Variants in NPEPPS observed in about 807,000 individuals in gnomAD.
NPEPPS encodes the protein puromycin-sensitive aminopeptidase.
In NPEPPS, 14 loss-of-function variants were observed where a neutral mutation model predicts 115.5. That is an observed-to-expected ratio of 0.12 (90% CI 0.08 to 0.19). The LOEUF is 0.19. NPEPPS is among the 10% of genes least tolerant of loss of function. NPEPPS has a pLI of 1.00. For missense variants in NPEPPS, 523 were observed against 1,110.8 expected, an observed-to-expected ratio of 0.47 and a Z score of 7.52; for synonymous variants, 285 against 390.6, an observed-to-expected ratio of 0.73 and a Z score of 3.19.
chr17:47,607,847 A>T lies in NPEPPS; in HGVS notation c.2095+2295A>T, dbSNP rs534440820. On this transcript the variant is annotated intron_variant, in intron 17 of 22. Coordinates refer to ENST00000322157, the MANE Select transcript of NPEPPS (RefSeq NM_006310.4). The stretch of plus-strand genomic sequence containing the variant: ...GGATAGGGAAGACTGCTGTAGAAAC[A>T]TTTTTTTCTTTTAAAGATACAGAGT... Among the ~76,000 whole-genome samples the T allele has an allele frequency of 6.6e-4, 100 of 152,072 alleles. No homozygotes were observed. In the South Asian group the frequency reaches 0.015, roughly 23 times the overall value.
At chr17:47,620,358 A>T (rs1484547995) in intron 22 of NPEPPS, 1 of 152,218 alleles carries the variant, frequency 6.6e-6, no homozygotes, top group Non-Finnish European at 1.5e-5. Context: ...GGAAGAGAAG[A>T]TGTTGGGAAG....
chr17:47,551,265 G>A (rs1161274632), intron 2 of NPEPPS, among the ~76,000 whole-genome samples: 1 of 151,842 alleles, frequency 6.6e-6, no homozygotes, highest in African/African-American at 2.4e-5. Flanking sequence ...AGTAAATATT[G>A]TGTGAAAAGG....
At chr17:47,594,947 A>G (rs1478841034) in intron 12 of NPEPPS, among the ~76,000 whole-genome samples, 5 of 112,120 alleles carry the variant, frequency 4.5e-5, no homozygotes, top group African/African-American at 1.7e-4. Context: ...TATTTTTTTT[A>G]AAGACAGGGT....
At chr17:47,533,974 A>G (rs1373547409) in intron 1 of NPEPPS, among the ~76,000 whole-genome samples, 1 of 152,262 alleles carries the variant, frequency 6.6e-6, no homozygotes, top group African/African-American at 2.4e-5. Flanking sequence ...TAAAAGAGGA[A>G]TTAACATTGG....
At chr17:47,575,724 C>T (rs535906171) in intron 3 of NPEPPS, among the ~76,000 whole-genome samples, 1 of 151,894 alleles carries the variant, frequency 6.6e-6, no homozygotes, top group South Asian at 2.1e-4. Context: ...CCTGTCTCAG[C>T]CTCCCGAGTA....
intron 1 of NPEPPS, among the ~76,000 whole-genome samples, chr17:47,535,711 ATAT>A (rs1908188170): frequency 6.6e-6 from 1 of 150,796 alleles, no homozygotes; most frequent in African/African-American, 2.4e-5. Flanking sequence ...ACTTTTGTAG[ATAT>A]TTCATATTTT....
chr17:47,538,202 CTTTTTTTTT>C (rs543559258), intron 1 of NPEPPS, among the ~76,000 whole-genome samples: 1 of 58,492 alleles, frequency 1.7e-5, no homozygotes, highest in African/African-American at 5.7e-5. Context: ...CATATCTGTT[CTTTTTTTTT>C]TTTTTTTTTT....
chr17:47,560,092 TC>T (rs1910332103), intron 2 of NPEPPS, among the ~76,000 whole-genome samples: 1 of 152,222 alleles, frequency 6.6e-6, no homozygotes, highest in Non-Finnish European at 1.5e-5. Context: ...CTTATCTTGT[TC>T]TATGATTCTT....
chr17:47,611,209 C>T (rs1316549826), intron 17 of NPEPPS, among the ~76,000 whole-genome samples: 1 of 151,624 alleles, frequency 6.6e-6, no homozygotes, highest in African/African-American at 2.4e-5. Flanking sequence ...CTTGTAATCC[C>T]AACACTGTGG....
At chr17:47,605,259 A>G in intron 16 of NPEPPS, 74 bp from the exon 17 acceptor site, 1 of 1,081,896 alleles carries the variant, frequency 9.2e-7, no homozygotes, top group South Asian at 1.6e-5. Context: ...GCAGTAGATA[A>G]TGCCAAAAAT....
intron 1 of NPEPPS, among the ~76,000 whole-genome samples, chr17:47,544,711 C>G (rs370046279): frequency 8.8e-6 from 1 of 114,232 alleles, no homozygotes; most frequent in Admixed American, 1.0e-4. Flanking sequence ...TTTTTGTATT[C>G]TTTTTTTTTT....
intron 19 of NPEPPS, among the ~76,000 whole-genome samples, chr17:47,617,703 CAG>C (rs1567874307): frequency 6.6e-6 from 1 of 152,020 alleles, no homozygotes; most frequent in African/African-American, 2.4e-5. Context: ...TCTTCTAAAA[CAG>C]AACATTAGCC....
At position 47,532,990 on chromosome 17, in the gene NPEPPS, G is replaced by A. The variant is rs1907934662; in HGVS notation, c.255+1435G>A. Among the ~76,000 whole-genome samples the A allele has an allele frequency of 2.0e-5, 3 of 152,160 alleles. No homozygotes were observed. The South Asian group carries it at 6.2e-4, about 31-fold the overall frequency. On this transcript the variant is annotated intron_variant, in intron 1 of 22. Transcript: ENST00000322157. ...TGCAGTCTGGGGTCGGGGGAAATCA[G>A]TAGGCTCCCACCTTAAAGAACATGG...
chr17:47,598,196 C>T (rs966359310), intron 13 of NPEPPS, among the ~76,000 whole-genome samples: 1 of 152,182 alleles, frequency 6.6e-6, no homozygotes, highest in Non-Finnish European at 1.5e-5. Flanking sequence ...TTGGCTGGGC[C>T]AGGCACAGTG....
At chr17:47,582,412 C>T (rs1053371611) in intron 4 of NPEPPS, 5 of 333,402 alleles carry the variant, frequency 1.5e-5, no homozygotes, top group Non-Finnish European at 2.9e-5. Context: ...CTTTACTGTT[C>T]TGTGCTGTGT....
intron 19 of NPEPPS, among the ~76,000 whole-genome samples, chr17:47,617,634 TTTTCAC>T (rs1914294586): frequency 6.6e-6 from 1 of 152,114 alleles, no homozygotes; most frequent in South Asian, 2.1e-4. Flanking sequence ...CATTTTCAAT[TTTTCAC>T]TATTATAAAT....
At chr17:47,558,214 G>A (rs1279294070) in intron 2 of NPEPPS, among the ~76,000 whole-genome samples, 4 of 151,468 alleles carry the variant, frequency 2.6e-5, no homozygotes, top group African/African-American at 9.7e-5. Context: ...TGCAACCTCC[G>A]CCTCCCAGGT....
intron 5 of NPEPPS, among the ~76,000 whole-genome samples, chr17:47,584,225 G>GGAA: frequency 7.7e-6 from 1 of 130,428 alleles, no homozygotes; most frequent in African/African-American, 2.8e-5. Context: ...CATCTCGGGG[G>GGAA]AAAAAAAAAA....
Position 47,623,018 on chromosome 17 carries a change from C to CCTA in NPEPPS, c.*1099_*1101dup, listed in dbSNP as rs3065062. On this transcript the variant is annotated 3_prime_UTR_variant, in exon 23 of 23. Transcript: ENST00000322157. ...GCCACTGTTTGCTTCAACAGTATAT[C>CCTA]CTAATAAGCCTCACCTATTTAATCC... 231,409 of 423,356 alleles carry CCTA rather than the reference C, an allele frequency of 0.55. 64,607 individuals carry two copies. The highest frequency in any genetic ancestry group is 0.65 in the East Asian group (8,362 of 12,782). 26.2% of individuals were successfully genotyped at this position (423,356 alleles called of 1,614,324 possible). A position where few individuals can be genotyped will look rare whatever the true frequency, so the allele number is the denominator to read the frequency against.
Sources: gnomAD v4.1 joint callset for allele counts (sites outside exome capture counted in the v4.1 genomes callset) on GRCh38, gnomAD v4.1.1 for gene constraint, MANE v1.5 for transcripts, NCBI Gene and HGNC (gene_info 2026-07-23, HGNC 2026-07-21) for gene names.